Variants in SCLT1 observed in about 807,000 individuals in gnomAD.
The protein encoded by SCLT1 is sodium channel and clathrin linker 1.
In SCLT1, 78 loss-of-function variants were observed where a neutral mutation model predicts 112.8. That is an observed-to-expected ratio of 0.69 (90% confidence interval 0.58 to 0.83). The LOEUF is 0.83. SCLT1 is among the 40% of genes least tolerant of loss of function. The pLI, the probability that SCLT1 is intolerant of heterozygous loss-of-function variation, is 0.00. For synonymous variants in SCLT1, 257 were observed against 254.7 expected (o/e 1.01, Z -0.09); for missense variants, 747 against 770.4 (o/e 0.97, Z 0.36).
intron 18 of SCLT1, among the ~76,000 whole-genome samples, chr4:128,903,563 T>TTTATTTAGAC (rs568571538): frequency 0.012 from 1,886 of 152,284 alleles, 49 homozygotes; most frequent in African/African-American, 0.044. Flanking sequence ...ACTATTGGTA[T>TTTATTTAGAC]TTATTTAGAC....
intron 2 of SCLT1, among the ~76,000 whole-genome samples, chr4:129,079,063 C>G (rs543312406): frequency 1.3e-5 from 2 of 152,098 alleles, no homozygotes; most frequent in South Asian, 2.1e-4. Context: ...AGAAAATTCA[C>G]CCCCATGATA....
At chr4:128,944,089 G>A (rs1213120455) in intron 16 of SCLT1, among the ~76,000 whole-genome samples, 1 of 152,078 alleles carries the variant, frequency 6.6e-6, no homozygotes, top group African/African-American at 2.4e-5. Context: ...GGTGAACACA[G>A]TTAGTGACTG....
chr4:128,927,466 T>C (rs1159966190), intron 18 of SCLT1, among the ~76,000 whole-genome samples: 1 of 151,858 alleles, frequency 6.6e-6, no homozygotes, highest in Admixed American at 6.5e-5. Flanking sequence ...TCCTAGCTAC[T>C]TGGGAGGTTG....
intron 4 of SCLT1, 35 bp from the exon 5 acceptor site, chr4:129,039,131 T>C: frequency 6.9e-7 from 1 of 1,450,822 alleles, no homozygotes; most frequent in South Asian, 1.1e-5. Flanking sequence ...CAATACATTT[T>C]GCAGACAATC....
chr4:128,991,615 A>G (rs559240443), intron 9 of SCLT1, among the ~76,000 whole-genome samples: 2 of 151,942 alleles, frequency 1.3e-5, no homozygotes, highest in South Asian at 4.1e-4. Flanking sequence ...ATAAGGAGCT[A>G]AAACAACTCG....
intron 11 of SCLT1, among the ~76,000 whole-genome samples, chr4:128,964,493 TTGA>T (rs1342374180): frequency 2.6e-5 from 4 of 152,134 alleles, no homozygotes; most frequent in African/African-American, 9.7e-5. Flanking sequence ...ACCAAAAGAA[TTGA>T]TGATCAAGCT....
At chr4:128,982,631 A>G (rs1487811979) in intron 9 of SCLT1, among the ~76,000 whole-genome samples, 1 of 151,854 alleles carries the variant, frequency 6.6e-6, no homozygotes, top group Non-Finnish European at 1.5e-5. Context: ...TCTCCTGAGT[A>G]GCTGGGATTA....
intron 5 of SCLT1, among the ~76,000 whole-genome samples, chr4:129,023,758 A>C (rs1242375671): frequency 6.6e-6 from 1 of 152,178 alleles, no homozygotes; most frequent in African/African-American, 2.4e-5. Flanking sequence ...GGGAAGCGCA[A>C]GGGGTCAGGG....
chr4:128,987,207 G>A (rs1742175706), intron 9 of SCLT1, among the ~76,000 whole-genome samples: 1 of 152,098 alleles, frequency 6.6e-6, no homozygotes, highest in Non-Finnish European at 1.5e-5. Context: ...TGGATTCGTG[G>A]AAAGCCCACT....
At chr4:129,088,442 C>G (rs1752576738) in intron 1 of SCLT1, among the ~76,000 whole-genome samples, 1 of 152,132 alleles carries the variant, frequency 6.6e-6, no homozygotes, top group Non-Finnish European at 1.5e-5. Flanking sequence ...AATGCCTTCC[C>G]CATAAGATCA....
chr4:129,045,050 T>C (rs2125701534), intron 2 of SCLT1, among the ~76,000 whole-genome samples: 1 of 151,956 alleles, frequency 6.6e-6, no homozygotes, highest in Admixed American at 6.6e-5. Context: ...ATCCAACAAA[T>C]AGTACTGGAT....
At chr4:128,904,244 C>T (rs1734528722) in intron 18 of SCLT1, among the ~76,000 whole-genome samples, 1 of 152,068 alleles carries the variant, frequency 6.6e-6, no homozygotes, top group Admixed American at 6.5e-5. Context: ...AATGAGGAAT[C>T]CCTTATAGTA....
intron 4 of SCLT1, among the ~76,000 whole-genome samples, chr4:129,040,961 T>C (rs1412382917): frequency 1.3e-5 from 2 of 152,112 alleles, no homozygotes; most frequent in East Asian, 1.9e-4. Context: ...CGGTAAAGAA[T>C]GCAAAATAGA....
At chr4:128,918,802 A>T (rs898571329) in intron 18 of SCLT1, among the ~76,000 whole-genome samples, 4 of 152,222 alleles carry the variant, frequency 2.6e-5, no homozygotes, top group African/African-American at 9.6e-5. Flanking sequence ...AACAGTCTTT[A>T]AACCCATAAT....
At chr4:128,915,714 TTTCA>T (rs200951533) in intron 18 of SCLT1, among the ~76,000 whole-genome samples, 8 of 152,064 alleles carry the variant, frequency 5.3e-5, no homozygotes, top group African/African-American at 1.2e-4. Context: ...ATTCACTAGC[TTTCA>T]TTCATTCATT....
intron 8 of SCLT1, among the ~76,000 whole-genome samples, chr4:128,993,758 T>C (rs538562013): frequency 6.6e-6 from 1 of 152,232 alleles, no homozygotes; most frequent in East Asian, 1.9e-4. Flanking sequence ...AGAGATTTTA[T>C]GGTTGATGCA....
intron 18 of SCLT1, among the ~76,000 whole-genome samples, chr4:128,926,761 T>C (rs565060588): frequency 1.8e-4 from 27 of 152,070 alleles, no homozygotes; most frequent in Non-Finnish European, 3.1e-4. Context: ...AACAGTAATA[T>C]ATTTTTTACT....
intron 5 of SCLT1, among the ~76,000 whole-genome samples, chr4:129,020,959 G>A (rs1180657420): frequency 1.3e-5 from 2 of 152,128 alleles, no homozygotes; most frequent in African/African-American, 4.8e-5. Context: ...ATAATTTCAG[G>A]TAGTAAATAG....
In SCLT1 at chr4:129,040,061, G is replaced by A. The variant is rs78452585; in HGVS notation, c.235-965C>T. ...GAAGCTTATCCTGGAGTACACTTTC[G>A]CAAGGGCCAGGTGGAACAGGCAGTT... On this transcript the variant is annotated intron_variant, in intron 4 of 20. Transcript: ENST00000281142. 2.8e-3 allele frequency: 1,733 copies of A among 628,372 alleles called. 22 individuals are homozygous for A. In the African/African-American group the frequency reaches 0.028, roughly 10 times the overall value. The allele number at this position is 628,372 out of a possible 1,614,324, so 38.9% of individuals were successfully genotyped here.
Sources: gnomAD v4.1 joint callset for allele counts (sites outside exome capture counted in the v4.1 genomes callset) on GRCh38, gnomAD v4.1.1 for gene constraint, MANE v1.5 for transcripts, NCBI Gene and HGNC (gene_info 2026-07-23, HGNC 2026-07-21) for gene names.